The following FABP7 variants were observed in gnomAD, a reference collection of about 807,000 sequenced individuals.
FABP7 encodes fatty acid binding protein 7, also known as fatty acid-binding protein, brain.
In FABP7, 13 loss-of-function variants were observed where a neutral mutation model predicts 14.2. The observed-to-expected ratio is 0.91, with a 90% CI of 0.59 to 1.45. The LOEUF is 1.45. Among genes scored for constraint, FABP7 ranks in the 40% most tolerant of loss-of-function variants. The probability of loss-of-function intolerance (pLI) is 0.00; values close to 1 mark genes in which losing one functional copy is unlikely to be tolerated. For missense variants in FABP7, 149 were observed against 157.6 expected, an observed-to-expected ratio of 0.95 and a Z score of 0.29; for synonymous variants, 49 against 51.4, an observed-to-expected ratio of 0.95 and a Z score of 0.20.
intron 3 of FABP7, chr6:122,783,290 C>A (rs919107853): frequency 1.0e-5 from 10 of 985,246 alleles, no homozygotes; most frequent in Non-Finnish European, 1.2e-5. Context: ...ATTCCAAATA[C>A]CATCAGCTCA....
At chr6:122,762,923 G>T in the FABP7 span, among the ~76,000 whole-genome samples, 1 of 152,136 alleles carries the variant, frequency 6.6e-6, no homozygotes, top group Non-Finnish European at 1.5e-5. Flanking sequence ...CCATGCTCAT[G>T]GGTAGGAAGA....
At chr6:122,754,247 G>A in the FABP7 span, among the ~76,000 whole-genome samples, 2 of 152,156 alleles carry the variant, frequency 1.3e-5, no homozygotes, top group African/African-American at 2.4e-5. Flanking sequence ...TCCTAGATAA[G>A]CTCAGTTCAC....
the FABP7 span, among the ~76,000 whole-genome samples, chr6:122,752,342 CTCAA>C: frequency 1.3e-5 from 2 of 152,264 alleles, no homozygotes; most frequent in East Asian, 3.9e-4. Context: ...TAGTAAGTCC[CTCAA>C]TCATGCATGC....
chr6:122,771,830 T>C, the FABP7 span, among the ~76,000 whole-genome samples: 4 of 152,198 alleles, frequency 2.6e-5, no homozygotes, highest in Non-Finnish European at 5.9e-5. Context: ...TCATATGAAC[T>C]ATAGTCTAAA....
the FABP7 span, among the ~76,000 whole-genome samples, chr6:122,755,474 T>G: frequency 1.3e-5 from 2 of 150,352 alleles, no homozygotes; most frequent in Non-Finnish European, 3.0e-5. Flanking sequence ...TTTTTTTTTT[T>G]TTGAGACGGA....
At chr6:122,765,386 G>A in the FABP7 span, among the ~76,000 whole-genome samples, 2 of 151,968 alleles carry the variant, frequency 1.3e-5, no homozygotes, top group South Asian at 4.2e-4. Context: ...AGAGAGTTTA[G>A]ATAAAGATAG....
the FABP7 span, among the ~76,000 whole-genome samples, chr6:122,755,578 C>T: frequency 2.1e-3 from 324 of 151,394 alleles, 2 homozygotes; most frequent in Non-Finnish European, 2.8e-3. Context: ...CTCAGCCTCC[C>T]GAGTAGCTGG....
At chr6:122,758,001 T>G in the FABP7 span, among the ~76,000 whole-genome samples, 1 of 152,038 alleles carries the variant, frequency 6.6e-6, no homozygotes, top group Non-Finnish European at 1.5e-5. Flanking sequence ...GAGTGAACAA[T>G]GGACAGGGGC....
the FABP7 span, among the ~76,000 whole-genome samples, chr6:122,769,914 TCAAA>T: frequency 6.6e-6 from 1 of 152,136 alleles, no homozygotes; most frequent in African/African-American, 2.4e-5. Flanking sequence ...CTGCTAAAAT[TCAAA>T]CAAAGGCTTA....
chr6:122,782,609 T>C (rs770326119), intron 3 of FABP7: 1 of 985,470 alleles, frequency 1.0e-6, no homozygotes, highest in Non-Finnish European at 1.2e-6. Flanking sequence ...GGTATATTGA[T>C]GATACTGACA....
At chr6:122,765,837 T>C in the FABP7 span, among the ~76,000 whole-genome samples, 4 of 152,100 alleles carry the variant, frequency 2.6e-5, no homozygotes, top group Non-Finnish European at 5.9e-5. Flanking sequence ...AAAGAGACTT[T>C]TTTTTCTTCT....
chr6:122,781,070 C>G (rs759914082), intron 2 of FABP7, 23 bp from the exon 3 acceptor site: 2 of 1,602,394 alleles, frequency 1.2e-6, no homozygotes, highest in African/African-American at 2.7e-5. Flanking sequence ...TTGCTATGTT[C>G]TGCATTTTGT....
intron 3 of FABP7, chr6:122,783,287 A>C: frequency 1.0e-6 from 1 of 985,436 alleles, no homozygotes; most frequent in Non-Finnish European, 1.2e-6. Flanking sequence ...GTCATTCCAA[A>C]TACCATCAGC....
At chr6:122,771,476 C>A in the FABP7 span, among the ~76,000 whole-genome samples, 1 of 152,066 alleles carries the variant, frequency 6.6e-6, no homozygotes, top group African/African-American at 2.4e-5. Flanking sequence ...AATATAAGAA[C>A]AAAAAGTTCT....
chr6:122,771,415 C>A, the FABP7 span, among the ~76,000 whole-genome samples: 1 of 152,092 alleles, frequency 6.6e-6, no homozygotes, highest in Non-Finnish European at 1.5e-5. Flanking sequence ...AATCATTGCT[C>A]AATGTACACA....
the FABP7 span, among the ~76,000 whole-genome samples, chr6:122,766,136 T>C: frequency 6.6e-6 from 1 of 152,136 alleles, no homozygotes; most frequent in Non-Finnish European, 1.5e-5. Flanking sequence ...GAGGATCAGC[T>C]ACCAGTTTAG....
At position 122,783,403 on chromosome 6, in the gene FABP7, G is replaced by A. The variant is rs190471683; in HGVS notation, c.349-314G>A. 130 of 984,708 alleles carry A rather than the reference G, an allele frequency of 1.3e-4. No individual in the cohort carries two copies. In the Admixed American group the frequency reaches 7.1e-3, roughly 53 times the overall value. 61.0% of individuals were successfully genotyped at this position (984,708 alleles called of 1,614,324 possible). ...AACTCATTCACTTTTAAAGCAGATA[G>A]TTGAGAAAACAACGTAGACACTCCA... is the stretch of plus-strand genomic sequence containing the variant. On this transcript the variant is annotated intron_variant, in intron 3 of 3. Coordinates refer to ENST00000368444, the MANE Select transcript of FABP7 (RefSeq NM_001446.5).
At chr6:122,759,140 A>G in the FABP7 span, among the ~76,000 whole-genome samples, 1 of 152,198 alleles carries the variant, frequency 6.6e-6, no homozygotes, top group East Asian at 1.9e-4. Context: ...ATTCAAACAT[A>G]CTTATGAAGC....
the FABP7 span, among the ~76,000 whole-genome samples, chr6:122,762,260 C>T: frequency 6.6e-6 from 1 of 152,112 alleles, no homozygotes; most frequent in African/African-American, 2.4e-5. Flanking sequence ...AAACATAATC[C>T]ATCATATAAA....
Sources: allele counts gnomAD v4.1 joint callset (sites outside exome capture counted in the v4.1 genomes callset), GRCh38; gene constraint gnomAD v4.1.1; transcripts MANE v1.5; gene names NCBI Gene and HGNC (gene_info 2026-07-23, HGNC 2026-07-21).